MTM1: variants seen among roughly 807,000 people sequenced by gnomAD.
The protein encoded by MTM1 is myotubularin.
MTM1 carries 9 observed loss-of-function variants against 52.1 expected under a neutral mutation model. That is an observed-to-expected ratio of 0.17 (90% confidence interval 0.10 to 0.30). The LOEUF (loss-of-function observed/expected upper bound fraction) is 0.30, where lower values mean the gene tolerates loss of function less well. Among genes scored for constraint, MTM1 ranks in the 10% least tolerant of loss-of-function variants. MTM1 has a pLI of 1.00. For missense variants in MTM1, 277 were observed against 470.7 expected, an observed-to-expected ratio of 0.59 and a Z score of 3.81; for synonymous variants, 136 against 163.8, an observed-to-expected ratio of 0.83 and a Z score of 1.29.
rs782550748 is a variant in MTM1, at chrX:150,569,485, A to G, written c.-11+823A>G. Among the ~76,000 whole-genome samples the G allele has an allele frequency of 2.4e-4, 27 of 112,910 alleles. No homozygotes were observed. The South Asian group carries it at 8.0e-3, about 33-fold the overall frequency. On this transcript the variant is annotated intron_variant, in intron 1 of 14. Transcript: ENST00000370396. ...TTTGAAACAGATACACCAGATCTTC[A>G]CAAGAATAAAATTATAGCATTTTAG...
chrX:150,669,222 T>C (rs2040355995), intron 14 of MTM1, among the ~76,000 whole-genome samples: 1 of 112,446 alleles, frequency 8.9e-6, no homozygotes, highest in Non-Finnish European at 1.9e-5. Flanking sequence ...TTCCTTTTTA[T>C]GGCTGCATAG....
intron 4 of MTM1, among the ~76,000 whole-genome samples, chrX:150,612,561 G>A (rs782408039): frequency 1.8e-5 from 2 of 109,203 alleles, no homozygotes; most frequent in South Asian, 4.1e-4. Flanking sequence ...TTAGTTGGGC[G>A]TGGTGGCATG....
intron 1 of MTM1, among the ~76,000 whole-genome samples, chrX:150,569,647 G>A (rs782660030): frequency 9.0e-6 from 1 of 111,686 alleles, no homozygotes; most frequent in East Asian, 2.8e-4. Flanking sequence ...CCAGCTCTTT[G>A]GGGGTATCTT....
At chrX:150,583,399 A>G (rs1306395368) in intron 1 of MTM1, among the ~76,000 whole-genome samples, 1 of 35,277 alleles carries the variant, frequency 2.8e-5, no homozygotes, top group Non-Finnish European at 4.5e-5. Flanking sequence ...ATATATATAA[A>G]TTATATATAT....
chrX:150,591,072 G>A (rs992975158), intron 1 of MTM1: 15 of 715,850 alleles, frequency 2.1e-5, no homozygotes, highest in African/African-American at 1.6e-4. Context: ...CATATTTTAC[G>A]ATTTTGTCTG....
At chrX:150,663,754 AT>A (rs1328803449) in intron 14 of MTM1, 145 bp downstream of exon 14, 33 of 531,907 alleles carry the variant, frequency 6.2e-5, no homozygotes, top group South Asian at 4.0e-4. Flanking sequence ...CTTAATTTAA[AT>A]TTTTTTTAAT....
rs1324547595 is a variant in MTM1 at position 150,672,806 on chromosome X, G to A, written c.*1211G>A. The A allele has an allele frequency of 8.9e-6, 1 of 111,970 alleles. No individual in the cohort carries two copies. Among genetic ancestry groups the A allele is most frequent in the Non-Finnish European group, 1.9e-5 (1 of 53,200 alleles). The allele number at this position is 111,970 out of a possible 1,213,427, so 9.2% of individuals were successfully genotyped here. On this transcript the variant is annotated 3_prime_UTR_variant, in exon 15 of 15. Coordinates refer to ENST00000370396, the MANE Select transcript of MTM1 (RefSeq NM_000252.3). ...GAAGTGTTTTACAATGATTTGTAAA[G>A]GACTATTTATAACTAATATGGTTTT...
At chrX:150,660,254 T>C in intron 12 of MTM1, 117 bp from the exon 13 acceptor site, 1 of 508,565 alleles carries the variant, frequency 2.0e-6, no homozygotes, top group South Asian at 2.7e-5. Flanking sequence ...CAGCCTCTGC[T>C]GTCCTTCCTA....
chrX:150,592,799 C>A (rs2051237375), intron 2 of MTM1, 122 bp downstream of exon 2: 77 of 433,687 alleles, frequency 1.8e-4, no homozygotes, highest in East Asian at 2.3e-4. Flanking sequence ...CATATAAATA[C>A]ATTTATACAT....
intron 14 of MTM1, 131 bp downstream of exon 14, chrX:150,663,740 C>A: frequency 1.6e-6 from 1 of 610,725 alleles, no homozygotes; most frequent in Admixed American, 3.1e-5. Flanking sequence ...TTGTTAAACT[C>A]AACCTTAATT....
At chrX:150,607,113 G>A (rs1003173803) in intron 4 of MTM1, among the ~76,000 whole-genome samples, 1 of 108,124 alleles carries the variant, frequency 9.2e-6, no homozygotes, top group African/African-American at 3.4e-5. Context: ...TCAGCTTCCC[G>A]AGTAGCTGGG....
chrX:150,611,522 A>G (rs2039277215), intron 4 of MTM1, among the ~76,000 whole-genome samples: 1 of 112,206 alleles, frequency 8.9e-6, no homozygotes, highest in African/African-American at 3.2e-5. Flanking sequence ...ATGAGCTCAT[A>G]GAACTTGCAA....
At chrX:150,596,410 A>G (rs940167332) in intron 2 of MTM1, 88 bp from the exon 3 acceptor site, 8 of 739,031 alleles carry the variant, frequency 1.1e-5, no homozygotes, top group Admixed American at 9.7e-5. Context: ...TTTAAAAAAC[A>G]TATTTCTAGT....
intron 6 of MTM1, 83 bp from the exon 7 acceptor site, chrX:150,638,860 T>A: frequency 1.3e-6 from 1 of 746,952 alleles, no homozygotes; most frequent in Non-Finnish European, 2.1e-6. Flanking sequence ...TGGTGAAATT[T>A]ATTTTGCGAG....
At chrX:150,595,275 A>T (rs2038955976) in intron 2 of MTM1, among the ~76,000 whole-genome samples, 1 of 111,211 alleles carries the variant, frequency 9.0e-6, no homozygotes, top group Non-Finnish European at 1.9e-5. Context: ...AGCCTGGCCA[A>T]CATGGTGAAA....
intron 6 of MTM1, among the ~76,000 whole-genome samples, chrX:150,623,874 G>C (rs1345653680): frequency 8.9e-6 from 1 of 111,752 alleles, no homozygotes; most frequent in African/African-American, 3.3e-5. Flanking sequence ...TATTGGAACT[G>C]TTCAGCCAGC....
chrX:150,633,255 G>C (rs1252101994), intron 6 of MTM1, among the ~76,000 whole-genome samples: 1 of 112,226 alleles, frequency 8.9e-6, no homozygotes, highest in Non-Finnish European at 1.9e-5. Flanking sequence ...TTCCCCCAGA[G>C]GTACTGATTT....
intron 1 of MTM1, among the ~76,000 whole-genome samples, chrX:150,583,366 TTA>T (rs2038650132): frequency 4.6e-5 from 1 of 21,955 alleles, no homozygotes; most frequent in Admixed American, 1.1e-3. Flanking sequence ...TATATATAAA[TTA>T]TATATATTAT....
chrX:150,611,431 G>A (rs1387253810), intron 4 of MTM1, among the ~76,000 whole-genome samples: 7 of 111,965 alleles, frequency 6.3e-5, no homozygotes, highest in South Asian at 3.7e-4. Context: ...AGTTTTGTCC[G>A]CCTTAAGAGC....
Sources: gnomAD v4.1 joint callset for allele counts (sites outside exome capture counted in the v4.1 genomes callset) on GRCh38, gnomAD v4.1.1 for gene constraint, MANE v1.5 for transcripts, NCBI Gene and HGNC (gene_info 2026-07-23, HGNC 2026-07-21) for gene names.